IMMP2L: variants seen among roughly 807,000 people sequenced by gnomAD.
The protein encoded by IMMP2L is mitochondrial inner membrane protease subunit 2.
IMMP2L carries 18 observed loss-of-function variants against 19.3 expected under a neutral mutation model. The ratio of observed to expected loss-of-function variants is 0.93; its 90% CI spans 0.64 to 1.38. The LOEUF (loss-of-function observed/expected upper bound fraction) is 1.38, where lower values mean the gene tolerates loss of function less well. Among genes scored for constraint, IMMP2L ranks in the 40% most tolerant of loss-of-function variants. IMMP2L has a pLI of 0.00. For synonymous variants in IMMP2L, 76 were observed against 73.0 expected, an observed-to-expected ratio of 1.04 and a Z score of -0.21; for missense variants, 233 against 218.2, an observed-to-expected ratio of 1.07 and a Z score of -0.43.
intron 5 of IMMP2L, among the ~76,000 whole-genome samples, chr7:110,737,054 T>G (rs543777183): frequency 1.3e-5 from 2 of 152,132 alleles, no homozygotes; most frequent in Non-Finnish European, 2.9e-5. Flanking sequence ...AGATGGCAGA[T>G]AGGAGGCAGG....
intron 4 of IMMP2L, among the ~76,000 whole-genome samples, chr7:110,892,148 G>A (rs1810865072): frequency 1.3e-5 from 2 of 152,008 alleles, no homozygotes; most frequent in Non-Finnish European, 1.5e-5. Context: ...GTTCCCTGAC[G>A]TTCCCTTATC....
At position 111,318,299 on chromosome 7, in the gene IMMP2L, C is replaced by G. The variant is rs12538096; in HGVS notation, c.239+168939G>C. 2.8e-4 allele frequency among the ~76,000 whole-genome samples: 42 copies of G among 152,202 alleles called. 1 individual carries two copies. Among genetic ancestry groups the G allele is most frequent in the African/African-American group, 9.6e-4 (40 of 41,538 alleles). ...GCCTGGTTAATACAGATGTGGAAGC[C>G]AATGGAGAACTCAGGTTCCTTACAA... On this transcript the variant is annotated intron_variant, in intron 3 of 5. Transcript: ENST00000405709.
intron 3 of IMMP2L, among the ~76,000 whole-genome samples, chr7:111,364,307 C>A (rs1224002110): frequency 6.6e-6 from 1 of 151,956 alleles, no homozygotes; most frequent in Non-Finnish European, 1.5e-5. Context: ...ATGTCATCTG[C>A]TAGTTATCAT....
At chr7:111,160,758 T>C (rs927194033) in intron 3 of IMMP2L, among the ~76,000 whole-genome samples, 1 of 149,516 alleles carries the variant, frequency 6.7e-6, no homozygotes, top group Non-Finnish European at 1.5e-5. Context: ...ATAAAATAAA[T>C]ATAAAAATGA....
chr7:110,933,666 A>C (rs928134687), intron 4 of IMMP2L, among the ~76,000 whole-genome samples: 5 of 152,084 alleles, frequency 3.3e-5, no homozygotes, highest in African/African-American at 1.2e-4. Context: ...AGATGTTTCC[A>C]ATTTCCTCTC....
intron 3 of IMMP2L, among the ~76,000 whole-genome samples, chr7:111,443,955 G>A (rs754703883): frequency 2.0e-5 from 3 of 152,026 alleles, no homozygotes; most frequent in East Asian, 3.9e-4. Context: ...CATCTTCACA[G>A]GGTATATAAT....
At position 111,295,385 on chromosome 7, in the gene IMMP2L, C is replaced by A. The variant is rs551577691; in HGVS notation, c.239+191853G>T. On this transcript the variant is annotated intron_variant, in intron 3 of 5. Coordinates refer to ENST00000405709, the MANE Select transcript of IMMP2L (RefSeq NM_032549.4). ...AAACACATATGACAAAGCTTAAGTA[C>A]TGAAATTGTGGTACAGCCCTAAAGC... Among the ~76,000 whole-genome samples, 7 of 151,924 alleles carry A rather than the reference C, an allele frequency of 4.6e-5. No individual in the cohort carries two copies. In the South Asian group the frequency reaches 1.5e-3, roughly 32 times the overall value.
At chr7:110,723,485 G>A (rs1314613301) in intron 5 of IMMP2L, among the ~76,000 whole-genome samples, 2 of 151,766 alleles carry the variant, frequency 1.3e-5, no homozygotes, top group African/African-American at 4.8e-5. Context: ...CTACTAAAGG[G>A]AATAAAAGGT....
chr7:110,861,435 T>G (rs1563033193), intron 5 of IMMP2L, among the ~76,000 whole-genome samples: 1 of 135,568 alleles, frequency 7.4e-6, no homozygotes, highest in Non-Finnish European at 1.7e-5. Flanking sequence ...CCCAGCTAAT[T>G]TTTATGTTTT....
intron 5 of IMMP2L, among the ~76,000 whole-genome samples, chr7:110,680,757 A>G (rs1232578312): frequency 2.0e-5 from 3 of 152,190 alleles, no homozygotes; most frequent in African/African-American, 7.2e-5. Flanking sequence ...CACTCCCAGC[A>G]GCTAGGCGGA....
At chr7:110,836,597 T>C (rs1265211928) in intron 5 of IMMP2L, among the ~76,000 whole-genome samples, 1 of 152,098 alleles carries the variant, frequency 6.6e-6, no homozygotes, top group Non-Finnish European at 1.5e-5. Flanking sequence ...CCTCTTTCTT[T>C]TGTAAATTGC....
At chr7:110,938,513 C>T (rs1816359777) in intron 4 of IMMP2L, among the ~76,000 whole-genome samples, 1 of 152,094 alleles carries the variant, frequency 6.6e-6, no homozygotes, top group Non-Finnish European at 1.5e-5. Flanking sequence ...AATGAAACAA[C>T]AAGAAATCCA....
intron 3 of IMMP2L, among the ~76,000 whole-genome samples, chr7:111,046,069 T>C (rs1792362475): frequency 6.7e-6 from 1 of 150,222 alleles, no homozygotes; most frequent in Admixed American, 6.6e-5. Flanking sequence ...TTGAAAAAAG[T>C]TTACAAACTC....
rs150182321 is a variant in IMMP2L, at chr7:110,932,472, G to A, written c.305+31028C>T. 1.6e-3 allele frequency among the ~76,000 whole-genome samples: 239 copies of A among 152,156 alleles called. 3 individuals carry two copies. The highest frequency in any genetic ancestry group is 0.013 in the East Asian group (67 of 5,174). On this transcript the variant is annotated intron_variant, in intron 4 of 5. Coordinates refer to ENST00000405709, the MANE Select transcript of IMMP2L (RefSeq NM_032549.4). ...GGGTTCGTGCCATTCTCCTGCCTCA[G>A]CCTCCTGAGTAGCTGGGACTACAGG... is the stretch of plus-strand genomic sequence containing the variant.
rs527278965 is a variant in IMMP2L at position 111,273,393 on chromosome 7, G to A, written c.239+213845C>T. On this transcript the variant is annotated intron_variant, in intron 3 of 5. Transcript: ENST00000405709. ...CGAGAAAGACAGGGATCAGATCATG[G>A]GTAGCCTTATTTGACATAATAAGGA... Among the ~76,000 whole-genome samples the A allele has an allele frequency of 3.9e-5, 6 of 152,178 alleles. No homozygotes were observed. In the South Asian group the frequency reaches 1.2e-3, roughly 32 times the overall value.
chr7:111,110,032 G>A (rs1799012905), intron 3 of IMMP2L, among the ~76,000 whole-genome samples: 2 of 152,302 alleles, frequency 1.3e-5, no homozygotes, highest in South Asian at 4.1e-4. Context: ...CTACTCAGGA[G>A]GCTGAGGCAG....
chr7:110,982,863 T>C (rs1231051029), intron 3 of IMMP2L, among the ~76,000 whole-genome samples: 1 of 152,124 alleles, frequency 6.6e-6, no homozygotes, highest in East Asian at 1.9e-4. Flanking sequence ...TTAAGTCACA[T>C]AATTCTTCTC....
intron 3 of IMMP2L, among the ~76,000 whole-genome samples, chr7:111,026,589 C>T (rs1335791791): frequency 6.6e-6 from 1 of 152,026 alleles, no homozygotes; most frequent in Non-Finnish European, 1.5e-5. Context: ...ATTCCAACAC[C>T]AATGTACTTG....
At chr7:110,855,587 G>T (rs1806678073) in intron 5 of IMMP2L, among the ~76,000 whole-genome samples, 1 of 152,004 alleles carries the variant, frequency 6.6e-6, no homozygotes, top group Non-Finnish European at 1.5e-5. Flanking sequence ...AAGAAAGAGA[G>T]CTAATTCCTC....
Sources: gnomAD v4.1 joint callset for allele counts (sites outside exome capture counted in the v4.1 genomes callset) on GRCh38, gnomAD v4.1.1 for gene constraint, MANE v1.5 for transcripts, NCBI Gene and HGNC (gene_info 2026-07-23, HGNC 2026-07-21) for gene names.